CUBN: variants seen among roughly 807,000 people sequenced by gnomAD.
The protein encoded by CUBN is cubilin.
CUBN carries 282 observed loss-of-function variants against 405.3 expected under a neutral mutation model. The ratio of observed to expected loss-of-function variants is 0.70; its 90% CI spans 0.63 to 0.77. The LOEUF (loss-of-function observed/expected upper bound fraction) is 0.77, where lower values mean the gene tolerates loss of function less well. Among genes scored for constraint, CUBN ranks in the 30% least tolerant of loss-of-function variants. The probability of loss-of-function intolerance (pLI) is 0.00; values close to 1 mark genes in which losing one functional copy is unlikely to be tolerated. For synonymous variants in CUBN, 1,684 were observed against 1,617.0 expected, an observed-to-expected ratio of 1.04 and a Z score of -0.99; for missense variants, 4,514 against 4,475.2, an observed-to-expected ratio of 1.01 and a Z score of -0.25.
chr10:17,114,933 T>C (rs1322342592), intron 7 of CUBN, among the ~76,000 whole-genome samples: 2 of 152,184 alleles, frequency 1.3e-5, no homozygotes, highest in Admixed American at 1.3e-4. Context: ...GAGAGAGTCA[T>C]GACGGGATAA....
rs141329815 is a variant in CUBN, at chr10:16,853,114, A to G, written c.9455-1671T>C. Among the ~76,000 whole-genome samples the G allele has an allele frequency of 2.7e-3, 416 of 152,342 alleles. 2 individuals carry two copies. The highest frequency in any genetic ancestry group is 9.8e-3 in the African/African-American group (408 of 41,582). On this transcript the variant is annotated intron_variant, in intron 59 of 66. Coordinates refer to ENST00000377833, the MANE Select transcript of CUBN (RefSeq NM_001081.4). ...AAAAAAACAATCCTCAGAACATAAGATTTAGTTTTGTCTACTCCATGGCCT... is the reference window on the plus strand; with the variant it reads ...AAAAAAACAATCCTCAGAACATAAGGTTTAGTTTTGTCTACTCCATGGCCT...
At chr10:17,083,823 C>T (rs955143594) in intron 17 of CUBN, among the ~76,000 whole-genome samples, 1 of 152,094 alleles carries the variant, frequency 6.6e-6, no homozygotes, top group African/African-American at 2.4e-5. Context: ...ATACCAGGCC[C>T]AGCAAACAAA....
chr10:16,930,226 C>A (rs1235258957), intron 40 of CUBN, among the ~76,000 whole-genome samples: 1 of 152,128 alleles, frequency 6.6e-6, no homozygotes, highest in African/African-American at 2.4e-5. Context: ...ACACTGAGGC[C>A]CCAAGATTAT....
In CUBN at chr10:16,831,391, T is replaced by G. The variant is rs999193178; in HGVS notation, c.10389A>C (p.Ser3463=). The G allele has an allele frequency of 6.2e-7, 1 of 1,613,976 alleles. No homozygotes were observed. Among genetic ancestry groups the G allele is most frequent in the African/African-American group, 1.3e-5 (1 of 74,938 alleles). The part of the protein sequence containing the change: ...LEVRNGSNSN[S]PLLGKYCGTL... ...TTCCACAGTACTTGCCCAGTAATGGTGAATTGCTGTTACTTCCATTTCTCA... is the reference window on the plus strand; with the variant it reads ...TTCCACAGTACTTGCCCAGTAATGGGGAATTGCTGTTACTTCCATTTCTCA... The change falls in exon 65 of 67, where the codon TCA becomes TCC. Residue 3463 remains serine (S), a synonymous_variant. Transcript: ENST00000377833.
intron 22 of CUBN, among the ~76,000 whole-genome samples, chr10:17,053,323 T>C (rs1395617973): frequency 6.6e-6 from 1 of 151,974 alleles, no homozygotes; most frequent in Non-Finnish European, 1.5e-5. Flanking sequence ...ATGCACATTA[T>C]ATATAATGAT....
chr10:16,993,668 C>CA (rs1483590734), intron 28 of CUBN, among the ~76,000 whole-genome samples: 1 of 140,836 alleles, frequency 7.1e-6, no homozygotes, highest in Non-Finnish European at 1.6e-5. Flanking sequence ...TTTTTCTTTT[C>CA]TTTTTTTTTT....
intron 56 of CUBN, among the ~76,000 whole-genome samples, chr10:16,878,158 C>A (rs183957667): frequency 6.6e-6 from 1 of 152,022 alleles, no homozygotes; most frequent in Non-Finnish European, 1.5e-5. Flanking sequence ...TGTGGTGGTG[C>A]GCGCCTGTAG....
chr10:17,054,331 C>CA (rs60899709), intron 22 of CUBN, among the ~76,000 whole-genome samples: 100,114 of 131,128 alleles, frequency 0.76, 37,646 homozygotes, highest in South Asian at 0.9. Context: ...AACTCCGTCT[C>CA]AAAAAAAAAA....
intron 26 of CUBN, among the ~76,000 whole-genome samples, chr10:17,041,478 G>A (rs565138048): frequency 6.6e-6 from 1 of 152,130 alleles, no homozygotes; most frequent in East Asian, 1.9e-4. Context: ...AAACTAAAGA[G>A]TCATGAAAAT....
chr10:16,940,296 C>T, intron 36 of CUBN, 59 bp from the exon 37 acceptor site: 1 of 1,468,064 alleles, frequency 6.8e-7, no homozygotes, highest in Non-Finnish European at 9.5e-7. Context: ...CTTTGGGATT[C>T]TCCCGGATCA....
intron 27 of CUBN, among the ~76,000 whole-genome samples, chr10:17,032,703 G>A (rs1034702161): frequency 1.2e-4 from 18 of 152,014 alleles, no homozygotes; most frequent in Admixed American, 3.3e-4. Flanking sequence ...TTGTATGAGG[G>A]GAAAATGAAA....
chr10:16,866,250 A>T (rs1840179492), intron 59 of CUBN, among the ~76,000 whole-genome samples: 1 of 152,178 alleles, frequency 6.6e-6, no homozygotes, highest in Non-Finnish European at 1.5e-5. Flanking sequence ...CCCTGATCTA[A>T]CCCTATGTGT....
chr10:16,926,273 A>T (rs1842186685), intron 41 of CUBN, among the ~76,000 whole-genome samples: 1 of 152,198 alleles, frequency 6.6e-6, no homozygotes, highest in Admixed American at 6.6e-5. Context: ...TTGATGTGTT[A>T]GAGGTACATC....
intron 22 of CUBN, among the ~76,000 whole-genome samples, chr10:17,060,664 T>C (rs1243185466): frequency 6.6e-6 from 1 of 152,192 alleles, no homozygotes; most frequent in Non-Finnish European, 1.5e-5. Context: ...CAACACCTTT[T>C]CCAGAGGGAA....
chr10:17,039,977 T>C (rs540992390), intron 27 of CUBN, among the ~76,000 whole-genome samples: 1 of 152,294 alleles, frequency 6.6e-6, no homozygotes, highest in Non-Finnish European at 1.5e-5. Context: ...ATTTGGAAAA[T>C]ATATGTTAAC....
intron 3 of CUBN, 139 bp from the exon 4 acceptor site, chr10:17,126,938 C>A: frequency 1.2e-6 from 1 of 826,056 alleles, no homozygotes; most frequent in South Asian, 1.5e-5. Flanking sequence ...CCTTTTTCCT[C>A]TTCATTCCTC....
Position 16,921,767 on chromosome 10 carries a change from C to T in CUBN, c.6647-1630G>A, listed in dbSNP as rs2131471083. 2.0e-5 allele frequency among the ~76,000 whole-genome samples: 3 copies of T among 152,344 alleles called. No individual in the cohort carries two copies. In the Middle Eastern group the frequency reaches 0.01, roughly 518 times the overall value. On this transcript the variant is annotated intron_variant, in intron 43 of 66. Transcript: ENST00000377833. ...CTCACTCTGAATAATTCCCCAATTGCTGTCATACATCCTCATGACTTAAAT... is the reference window on the plus strand; with the variant it reads ...CTCACTCTGAATAATTCCCCAATTGTTGTCATACATCCTCATGACTTAAAT...
chr10:16,963,342 C>T (rs1377795469), intron 31 of CUBN, among the ~76,000 whole-genome samples: 5 of 151,470 alleles, frequency 3.3e-5, no homozygotes, highest in Admixed American at 6.6e-5. Context: ...CACACCACCA[C>T]GCCCAGCTAA....
intron 32 of CUBN, among the ~76,000 whole-genome samples, chr10:16,952,973 A>T (rs1249484918): frequency 6.6e-6 from 1 of 152,194 alleles, no homozygotes; most frequent in East Asian, 1.9e-4. Context: ...GCATCTATAG[A>T]GGCTCAGCTG....
Sources: allele counts gnomAD v4.1 joint callset (sites outside exome capture counted in the v4.1 genomes callset), GRCh38; gene constraint gnomAD v4.1.1; transcripts MANE v1.5; gene names NCBI Gene and HGNC (gene_info 2026-07-23, HGNC 2026-07-21).